The following KANK2 variants were observed in gnomAD, a reference collection of about 807,000 sequenced individuals.
KANK2 encodes KN motif and ankyrin repeat domains 2, also known as KN motif and ankyrin repeat domain-containing protein 2.
KANK2 carries 41 observed loss-of-function variants against 74.6 expected under a neutral mutation model. The observed-to-expected ratio is 0.55, with a 90% CI of 0.43 to 0.71. KANK2 has a LOEUF of 0.71. Among genes scored for constraint, KANK2 ranks in the 30% least tolerant of loss-of-function variants. The pLI is 0.00. For missense variants in KANK2, 1,148 were observed against 1,196.4 expected (o/e 0.96, Z 0.60); for synonymous variants, 537 against 519.0 (o/e 1.03, Z -0.47).
intron 2 of KANK2, 25 bp from the exon 3 acceptor site, chr19:11,194,615 G>C (rs1047772348): frequency 2.2e-6 from 2 of 920,174 alleles, no homozygotes; most frequent in Admixed American, 3.5e-5. Flanking sequence ...CCACGGCGCC[G>C]GGAGTTAGGA....
At chr19:11,187,117 G>A (rs1033234025) in intron 4 of KANK2, among the ~76,000 whole-genome samples, 23 of 150,430 alleles carry the variant, frequency 1.5e-4, no homozygotes, top group African/African-American at 4.6e-4. Context: ...TTAGCCAGGC[G>A]TGGTAGCAGG....
chr19:11,192,821 G>A lies in KANK2; in HGVS notation c.1249+10C>T, dbSNP rs183298827. 306 of 1,585,984 alleles carry A rather than the reference G, an allele frequency of 1.9e-4. No homozygotes were observed. Among genetic ancestry groups the A allele is most frequent in the Admixed American group, 4.7e-4 (27 of 57,718 alleles). On this transcript the variant is annotated intron_variant, in intron 4 of 12. Coordinates refer to ENST00000586659, the MANE Select transcript of KANK2 (RefSeq NM_001136191.3). ...AAGCCATTCTCCCCTGCCTGCCTGC[G>A]ACCGCTTACCTGCTGCTCCATCGCA...
Position 11,193,613 on chromosome 19 carries a change from G to A in KANK2, c.467C>T (p.Thr156Ile). ...CAACCCCACGCCCACCAGGGAGGCT[G>A]TCGAGCCGGCCGCACTGGGGGTCAG... ...GSLTPSAAGS[T>I]ASLVGVGLPP... The change falls in exon 4 of 13, where the codon ACA (threonine) becomes ATA (isoleucine). Residue 156 changes from threonine to isoleucine, a missense_variant. Physicochemically the swap from Thr to Ile is moderately conservative, Grantham distance 89. Transcript: ENST00000586659. This position sits in a 1 kb window ranked among gnomAD's most constrained non-coding sequence, Gnocchi z 9.6. The A allele has an allele frequency of 6.3e-7, 1 of 1,585,730 alleles. No homozygotes were observed. Among genetic ancestry groups the A allele is most frequent in the South Asian group, 1.1e-5 (1 of 88,444 alleles).
At chr19:11,191,768 G>A (rs967523738) in intron 4 of KANK2, among the ~76,000 whole-genome samples, 2 of 152,160 alleles carry the variant, frequency 1.3e-5, no homozygotes, top group Admixed American at 6.6e-5. Context: ...GATGATATCT[G>A]AGCACTGAGG....
chr19:11,172,078 C>T (rs1201225307), intron 10 of KANK2, among the ~76,000 whole-genome samples: 6 of 150,770 alleles, frequency 4.0e-5, no homozygotes, highest in African/African-American at 1.2e-4. Context: ...CAGGTTCAAG[C>T]GATTCTCCTG....
chr19:11,174,412 GAC>G (rs2078269461), intron 9 of KANK2, 59 bp downstream of exon 9: 2 of 1,363,972 alleles, frequency 1.5e-6, no homozygotes, highest in Non-Finnish European at 2.0e-6. Context: ...TTCCCTATCA[GAC>G]TGGGCATGGC....
chr19:11,180,896 G>A (rs948156834), intron 4 of KANK2, among the ~76,000 whole-genome samples: 4 of 151,750 alleles, frequency 2.6e-5, no homozygotes, highest in African/African-American at 9.7e-5. Flanking sequence ...AGACCAGCCT[G>A]GCCAACATGG....
Position 11,166,569 on chromosome 19 carries a change from C to T in KANK2, c.2545G>A (p.Ala849Thr), listed in dbSNP as rs550073614. Reference protein sequence around the residue: ...SDDESPTSSSAEE With the variant: ...SDDESPTSSSTEE ...CGCCTCCCTCACGGCTACTCTTCTG[C>T]CGAGGATGATGTAGGGCTCTCGTCA... The change falls in exon 13 of 13, where the codon GCA (alanine) becomes ACA (threonine). Residue 849 changes from alanine (A) to threonine (T), a missense_variant. Coordinates refer to ENST00000586659, the MANE Select transcript of KANK2 (RefSeq NM_001136191.3). The T allele has an allele frequency of 4.3e-6, 7 of 1,614,134 alleles. No individual in the cohort carries two copies. The highest frequency in any genetic ancestry group is 1.6e-4 in the Middle Eastern group (1 of 6,062).
rs772666274 is a variant in KANK2, at chr19:11,175,938, G to A, written c.1812C>T (p.Tyr604=). 3 of 1,613,934 alleles carry A rather than the reference G, an allele frequency of 1.9e-6. No individual in the cohort carries two copies. The highest frequency in any genetic ancestry group is 1.1e-5 in the South Asian group (1 of 91,004). ...LISACLALEK[Y]LDNPNALTER... ...CTGTGAGGGCGTTGGGATTGTCCAG[G>A]TACTTTTCCAGGGCCAAGCAGGCTG... Residue 604 remains tyrosine (Y), a synonymous_variant, in exon 8 of 13, where the codon TAC becomes TAT. Transcript: ENST00000586659.
In KANK2 at chr19:11,195,805, CTCTG is replaced by C. The variant is rs2079002319; in HGVS notation, c.-267_-264del. Reference sequence around the variant, plus strand: ...TCTTTCCACGTCTCTGTCTTCGCTTCTCTGTCTTTCAACACCTGGAACACATGGT... The same window carrying C: ...TCTTTCCACGTCTCTGTCTTCGCTTCTCTTTCAACACCTGGAACACATGGT... On this transcript the variant is annotated 5_prime_UTR_variant, in exon 2 of 13. Coordinates refer to ENST00000586659, the MANE Select transcript of KANK2 (RefSeq NM_001136191.3). 6.6e-6 allele frequency: 1 copy of C among 152,322 alleles called. No individual in the cohort carries two copies. The highest frequency in any genetic ancestry group is 2.4e-5 in the African/African-American group (1 of 41,432). 9.4% of individuals were successfully genotyped at this position (152,322 alleles called of 1,614,324 possible).
At chr19:11,191,934 C>T (rs2078857849) in intron 4 of KANK2, among the ~76,000 whole-genome samples, 2 of 152,160 alleles carry the variant, frequency 1.3e-5, no homozygotes, top group Non-Finnish European at 2.9e-5. Context: ...TGGTGCATGC[C>T]TGTAGACCCA....
chr19:11,176,620 G>GT lies in KANK2; in HGVS notation c.1717dup (p.Thr573AsnfsTer3). ...GTTTGATCCTGATGCCCCCTCAGCAGTGGGTATGTGCTGAGATTCTCGAGA... is the reference window on the plus strand; with the variant it reads ...GTTTGATCCTGATGCCCCCTCAGCAGTTGGGTATGTGCTGAGATTCTCGAGA... On this transcript the variant is annotated frameshift_variant, in exon 7 of 13. Transcript: ENST00000586659. LOFTEE classifies it high-confidence loss of function. The GT allele has an allele frequency of 6.2e-7, 1 of 1,610,456 alleles. No individual in the cohort carries two copies. The highest frequency in any genetic ancestry group is 2.2e-5 in the East Asian group (1 of 44,814).
In KANK2 at chr19:11,181,888, A is replaced by G. The variant is rs75208416; in HGVS notation, c.1250-3168T>C. Among the ~76,000 whole-genome samples, 65 of 152,056 alleles carry G rather than the reference A, an allele frequency of 4.3e-4. 1 individual carries two copies. Among genetic ancestry groups the G allele is most frequent in the African/African-American group, 1.4e-3 (58 of 41,482 alleles). On this transcript the variant is annotated intron_variant, in intron 4 of 12. Coordinates refer to ENST00000586659, the MANE Select transcript of KANK2 (RefSeq NM_001136191.3). The stretch of plus-strand genomic sequence containing the variant: ...CAAATGTACTTAATGCCACTGAATT[A>G]CATACTCAAACATGGATAAGATGGT...
At position 11,178,728 on chromosome 19, in the gene KANK2, G is replaced by A. The variant is rs1026062529; in HGVS notation, c.1250-8C>T. On this transcript the variant is annotated splice_region_variant and splice_polypyrimidine_tract_variant and intron_variant, in intron 4 of 12. Transcript: ENST00000586659. ...CAGGAACTTCTGGGAGGCCTGGAGG[G>A]ACAGGAAATGAGTGTCTGCTCTTGG... 2 of 1,520,150 alleles carry A rather than the reference G, an allele frequency of 1.3e-6. No individual in the cohort carries two copies. The highest frequency in any genetic ancestry group is 1.4e-5 in the African/African-American group (1 of 69,736). 94.2% of individuals were successfully genotyped at this position (1,520,150 alleles called of 1,614,324 possible).
chr19:11,170,248 C>A lies in KANK2; in HGVS notation c.2212G>T (p.Ala738Ser). Reference protein sequence around the residue: ...LGNINAKASQAGQTALMLAVS... With the variant: ...LGNINAKASQSGQTALMLAVS... Reference sequence around the variant, plus strand: ...GCCAGCATCAGGGCCGTCTGTCCTGCCTGGGGAGGGCAAGGAACAGGATTA... The same window carrying A: ...GCCAGCATCAGGGCCGTCTGTCCTGACTGGGGAGGGCAAGGAACAGGATTA... The change falls in exon 11 of 13, where the codon GCA becomes TCA. Residue 738 changes from alanine (A) to serine (S), a missense_variant and splice_region_variant. Ala to Ser is a moderately conservative substitution (Grantham distance 99). Coordinates refer to ENST00000586659, the MANE Select transcript of KANK2 (RefSeq NM_001136191.3). The surrounding 1 kb of genome is among the most constrained non-coding windows in gnomAD (Gnocchi z 5.2). The A allele has an allele frequency of 6.2e-7, 1 of 1,609,000 alleles. No homozygotes were observed. The highest frequency in any genetic ancestry group is 2.2e-5 in the East Asian group (1 of 44,886).
intron 8 of KANK2, among the ~76,000 whole-genome samples, chr19:11,174,988 C>T (rs1242514824): frequency 6.7e-6 from 1 of 149,456 alleles, no homozygotes; most frequent in African/African-American, 2.5e-5. Context: ...GACAGAGTCT[C>T]GCTCTGTTGC....
chr19:11,194,169 C>T (rs2078948204), intron 3 of KANK2, 127 bp from the exon 4 acceptor site: 6 of 1,029,336 alleles, frequency 5.8e-6, no homozygotes, highest in African/African-American at 3.2e-5. Flanking sequence ...TACTCAACCG[C>T]GTCTGCTCTC....
chr19:11,176,700 C>G lies in KANK2; in HGVS notation c.1638G>C (p.Gln546His). ...CCGCTGCCGTCCCTGCAGGCCTGAG[C>G]TGGGGGGCTTCGGCCACACTCGGAA... ...ERVPSVAEAP[Q>H]LRPAGTAAAK... Residue 546 changes from glutamine (Q) to histidine (H), a missense_variant, in exon 7 of 13, where the codon CAG becomes CAC. By Grantham distance (24) the Gln-to-His change is conservative (BLOSUM62 0). Coordinates refer to ENST00000586659, the MANE Select transcript of KANK2 (RefSeq NM_001136191.3). 2 of 1,613,074 alleles carry G rather than the reference C, an allele frequency of 1.2e-6. No individual in the cohort carries two copies. The highest frequency in any genetic ancestry group is 8.5e-7 in the Non-Finnish European group (1 of 1,179,654).
chr19:11,169,452 G>A (rs1162036983), intron 12 of KANK2, among the ~76,000 whole-genome samples: 3 of 152,178 alleles, frequency 2.0e-5, no homozygotes, highest in African/African-American at 7.2e-5. Flanking sequence ...AGTTTGCAGT[G>A]AGCTTTAATT....
Sources: gnomAD v4.1 joint callset for allele counts (sites outside exome capture counted in the v4.1 genomes callset) on GRCh38, gnomAD v4.1.1 for gene constraint, Gnocchi (gnomAD v3.1) non-coding constraint, MANE v1.5 for transcripts, NCBI Gene and HGNC (gene_info 2026-07-23, HGNC 2026-07-21) for gene names.